Variants in IQSEC1 observed in about 807,000 individuals in gnomAD.
IQSEC1 encodes IQ motif and SEC7 domain-containing protein 1.
IQSEC1 carries 31 observed loss-of-function variants against 91.0 expected under a neutral mutation model. The ratio of observed to expected loss-of-function variants is 0.34; its 90% CI spans 0.26 to 0.46. IQSEC1 has a LOEUF of 0.46. Ranked by LOEUF, IQSEC1 falls within the 20% of genes least tolerant of loss-of-function variation. The probability of loss-of-function intolerance (pLI) is 1.00; values close to 1 mark genes in which losing one functional copy is unlikely to be tolerated. For missense variants in IQSEC1, 1,388 were observed against 1,575.6 expected, an observed-to-expected ratio of 0.88 and a Z score of 2.02; for synonymous variants, 699 against 662.6, an observed-to-expected ratio of 1.05 and a Z score of -0.84.
chr3:12,922,169 G>C lies in IQSEC1; in HGVS notation c.1804C>G (p.Arg602Gly). The C allele has an allele frequency of 6.2e-7, 1 of 1,610,458 alleles. No homozygotes were observed. The highest frequency in any genetic ancestry group is 8.5e-7 in the Non-Finnish European group (1 of 1,177,624). ...ACTTTCTGAGCCTCCCCTTGGACAC[G>C]GATGTGCGCCTGGAATTTCCTGAGG... ...EALRKFQAHI[R>G]VQGEAQKVER... The change falls in exon 5 of 14, where the codon CGT becomes GGT. Residue 602 changes from arginine to glycine, a missense_variant. Arg to Gly is a moderately radical substitution (Grantham distance 125, BLOSUM62 -2). Coordinates refer to ENST00000613206, the MANE Select transcript of IQSEC1 (RefSeq NM_001134382.3). This position sits in a 1 kb window ranked among gnomAD's most constrained non-coding sequence, Gnocchi z 5.1.
chr3:12,934,893 TG>T (rs1698027426), intron 3 of IQSEC1, among the ~76,000 whole-genome samples: 3 of 151,900 alleles, frequency 2.0e-5, no homozygotes, highest in South Asian at 4.2e-4. Flanking sequence ...TGCATCTGTC[TG>T]AGTTCCTTCC....
chr3:12,924,127 A>G lies in IQSEC1; in HGVS notation c.1730+454T>C, dbSNP rs756929655. Among the ~76,000 whole-genome samples, 2 of 152,160 alleles carry G rather than the reference A, an allele frequency of 1.3e-5. No homozygotes were observed. The highest frequency in any genetic ancestry group is 2.9e-5 in the Non-Finnish European group (2 of 68,024). The stretch of plus-strand genomic sequence containing the variant: ...CCACCACTCTCCCCAGGGGTGAGTC[A>G]GGAGCAAACAGGGCATGCAGTCCAT... On this transcript the variant is annotated intron_variant, in intron 4 of 13. Coordinates refer to ENST00000613206, the MANE Select transcript of IQSEC1 (RefSeq NM_001134382.3). This position sits in a 1 kb window ranked among gnomAD's most constrained non-coding sequence, Gnocchi z 6.3.
chr3:12,974,010 C>T (rs546432618), intron 1 of IQSEC1, among the ~76,000 whole-genome samples: 2 of 152,188 alleles, frequency 1.3e-5, no homozygotes, highest in Non-Finnish European at 2.9e-5. Context: ...AAATTAGACG[C>T]AGCTGTTATG....
chr3:13,282,227 G>A lies in IQSEC1; in HGVS notation c.272+484C>T, dbSNP rs967659539. Among the ~76,000 whole-genome samples, 1 of 152,224 alleles carries A rather than the reference G, an allele frequency of 6.6e-6. No homozygotes were observed. The highest frequency in any genetic ancestry group is 2.1e-4 in the South Asian group (1 of 4,832). ...CGTCCCGGACTGGACACAGCGCAGA[G>A]TCCATTCCAGGGACACCGCAACCCG... On this transcript the variant is annotated intron_variant, in intron 1 of 15. Coordinates refer to the IQSEC1 transcript ENST00000648114. This position sits in a 1 kb window ranked among gnomAD's most constrained non-coding sequence, Gnocchi z 6.4.
At chr3:13,071,175 C>CTTTT (rs1705413803) in intron 1 of IQSEC1, among the ~76,000 whole-genome samples, 1 of 83,102 alleles carries the variant, frequency 1.2e-5, no homozygotes, top group African/African-American at 4.2e-5. Context: ...TTGTTTGTTT[C>CTTTT]TTTAACTGCT....
intron 6 of IQSEC1, among the ~76,000 whole-genome samples, chr3:12,916,671 A>G (rs1207775469): frequency 6.6e-6 from 1 of 152,164 alleles, no homozygotes; most frequent in Admixed American, 6.5e-5. Context: ...GCATTTGGGG[A>G]ACTTATCCCA....
chr3:13,047,962 G>A (rs1704560655), intron 1 of IQSEC1, among the ~76,000 whole-genome samples: 1 of 152,154 alleles, frequency 6.6e-6, no homozygotes, highest in Non-Finnish European at 1.5e-5. Flanking sequence ...GCAGCCCAGG[G>A]GCCCTGGAGC....
chr3:13,137,798 C>T (rs1032039859), intron 2 of IQSEC1, among the ~76,000 whole-genome samples: 2 of 152,108 alleles, frequency 1.3e-5, no homozygotes, highest in Non-Finnish European at 2.9e-5. Context: ...ACAGCCACTG[C>T]GCTCCAGCCT....
At chr3:13,280,659 G>A (rs1317958448) in intron 1 of IQSEC1, among the ~76,000 whole-genome samples, 5 of 152,152 alleles carry the variant, frequency 3.3e-5, no homozygotes, top group Non-Finnish European at 5.9e-5. Context: ...CAGCAGCAGC[G>A]GGTGTCCTAG....
intron 1 of IQSEC1, among the ~76,000 whole-genome samples, chr3:12,958,285 G>A (rs1700041389): frequency 6.6e-6 from 1 of 152,316 alleles, no homozygotes; most frequent in African/African-American, 2.4e-5. Context: ...GCTGGGGGTA[G>A]GAAACACTAT....
chr3:13,188,768 C>G (rs1693973330), intron 1 of IQSEC1, among the ~76,000 whole-genome samples: 1 of 152,230 alleles, frequency 6.6e-6, no homozygotes, highest in South Asian at 2.1e-4. Context: ...CCAAGAGGCT[C>G]CACAGGAAAA....
At chr3:13,149,056 C>T (rs1428557072) in intron 2 of IQSEC1, among the ~76,000 whole-genome samples, 3 of 152,234 alleles carry the variant, frequency 2.0e-5, no homozygotes, top group African/African-American at 7.2e-5. Context: ...CCACCAGCCC[C>T]TCGCCTCCCC....
intron 1 of IQSEC1, among the ~76,000 whole-genome samples, chr3:13,219,871 C>T (rs573714554): frequency 1.4e-4 from 21 of 152,366 alleles, no homozygotes; most frequent in African/African-American, 4.8e-4. Context: ...TTCCTTAATG[C>T]CACTGCTGCC....
chr3:12,901,125 G>T lies in IQSEC1; in HGVS notation c.3203C>A (p.Ala1068Asp), dbSNP rs543003952. 6.5e-7 allele frequency: 1 copy of T among 1,542,216 alleles called. No individual in the cohort carries two copies. Among genetic ancestry groups the T allele is most frequent in the African/African-American group, 1.4e-5 (1 of 73,066 alleles). Residue 1068 changes from alanine (A) to aspartate (D), a missense_variant, in exon 14 of 14, where the codon GCC (alanine) becomes GAC (aspartate). Physicochemically the swap from Ala to Asp is moderately radical, Grantham distance 126 (BLOSUM62 -2). Transcript: ENST00000613206. ...GTGGCCGTGGGCATGGGCCCCGTAGGCTGGGTGGCCCCCATGGGGGCCGTG... is the reference window on the plus strand; with the variant it reads ...GTGGCCGTGGGCATGGGCCCCGTAGTCTGGGTGGCCCCCATGGGGGCCGTG... ...YHHGPHGGHP[A>D]YGAHAHGHPP...
intron 3 of IQSEC1, among the ~76,000 whole-genome samples, chr3:12,931,329 C>T (rs1697654597): frequency 6.6e-6 from 1 of 152,174 alleles, no homozygotes; most frequent in Admixed American, 6.5e-5. Context: ...CCATCCTTTC[C>T]ATCATCAGCA....
rs35573398 is a variant in IQSEC1, at chr3:13,278,248, T to TC, written c.272+4462dup. 2.9e-3 allele frequency among the ~76,000 whole-genome samples: 434 copies of TC among 150,446 alleles called. 3 individuals are homozygous for TC. Among genetic ancestry groups the TC allele is most frequent in the African/African-American group, 8.4e-3 (345 of 40,924 alleles). ...GCGAGGCAGGCCACTCCACTGGGCT[T>TC]CCCCCCCCCACCCCCAGCCTCCTTA... On this transcript the variant is annotated intron_variant, in intron 1 of 15. Transcript: ENST00000648114.
At chr3:13,132,463 A>T (rs913580351) in intron 2 of IQSEC1, among the ~76,000 whole-genome samples, 5 of 152,218 alleles carry the variant, frequency 3.3e-5, no homozygotes, top group Non-Finnish European at 5.9e-5. Flanking sequence ...ACTCAGAGGC[A>T]GTGTGCAGAG....
At position 12,992,887 on chromosome 3, in the gene IQSEC1, A is replaced by G. The variant is rs886580194; in HGVS notation, c.24-51022T>C. The stretch of plus-strand genomic sequence containing the variant: ...AGAAACATGGGAGGGGAAGTTCCCC[A>G]GGACTATTAGGGGTGGGGAGAAGCT... On this transcript the variant is annotated intron_variant, in intron 1 of 13. Coordinates refer to ENST00000613206, the MANE Select transcript of IQSEC1 (RefSeq NM_001134382.3). This position sits in a 1 kb window ranked among gnomAD's most constrained non-coding sequence, Gnocchi z 4.1. Among the ~76,000 whole-genome samples the G allele has an allele frequency of 1.3e-5, 2 of 152,184 alleles. No homozygotes were observed. The highest frequency in any genetic ancestry group is 4.8e-5 in the African/African-American group (2 of 41,450).
chr3:13,058,116 T>TA lies in IQSEC1; in HGVS notation c.23+14875dup, dbSNP rs1164324253. ...GGTGAAACCCTGTCTCAACTAAAAA[T>TA]ACAAAAAACAGCCGGGCGTGGTGGC... On this transcript the variant is annotated intron_variant, in intron 1 of 13. Coordinates refer to ENST00000613206, the MANE Select transcript of IQSEC1 (RefSeq NM_001134382.3). 3.6e-4 allele frequency among the ~76,000 whole-genome samples: 55 copies of TA among 152,102 alleles called. 2 individuals are homozygous for TA. The South Asian group carries it at 7.7e-3, about 21-fold the overall frequency.
Sources: gnomAD v4.1 joint callset for allele counts (sites outside exome capture counted in the v4.1 genomes callset) on GRCh38, gnomAD v4.1.1 for gene constraint, Gnocchi (gnomAD v3.1) non-coding constraint, MANE v1.5 for transcripts, NCBI Gene and HGNC (gene_info 2026-07-23, HGNC 2026-07-21) for gene names.